Variants in PCDH9 observed in about 807,000 individuals in gnomAD.
The protein encoded by PCDH9 is protocadherin-9.
Under a neutral mutation model 70.6 loss-of-function variants are expected in PCDH9, and 24 were observed. The ratio of observed to expected loss-of-function variants is 0.34; its 90% CI spans 0.25 to 0.48. The LOEUF (loss-of-function observed/expected upper bound fraction) is 0.48, where lower values mean the gene tolerates loss of function less well. Ranked by LOEUF, PCDH9 falls within the 20% of genes least tolerant of loss-of-function variation. PCDH9 has a pLI of 0.99. For missense variants in PCDH9, 1,281 were observed against 1,503.6 expected, an observed-to-expected ratio of 0.85 and a Z score of 2.45; for synonymous variants, 562 against 558.5, an observed-to-expected ratio of 1.01 and a Z score of -0.09.
chr13:67,179,905 T>C (rs921971699), intron 2 of PCDH9, among the ~76,000 whole-genome samples: 1 of 152,114 alleles, frequency 6.6e-6, no homozygotes, highest in African/African-American at 2.4e-5. Context: ...CAAATATTGA[T>C]TGCAATATAG....
chr13:66,340,407 C>T (rs1327052528), intron 4 of PCDH9, among the ~76,000 whole-genome samples: 1 of 152,142 alleles, frequency 6.6e-6, no homozygotes, highest in Non-Finnish European at 1.5e-5. Flanking sequence ...TTGCCCCAAA[C>T]TAATGGGCTT....
chr13:66,785,142 T>C lies in PCDH9; in HGVS notation c.3138+118362A>G, dbSNP rs992689868. ...AACAGGATAGCAGCTTCATCAGCCA[T>C]GGCATTATTCTCCAAAAGTAAATAA... On this transcript the variant is annotated intron_variant, in intron 3 of 4. Transcript: ENST00000377865. 3.3e-5 allele frequency among the ~76,000 whole-genome samples: 5 copies of C among 152,140 alleles called. No individual in the cohort carries two copies. The East Asian group carries it at 7.7e-4, about 23-fold the overall frequency.
rs2084481226 is a variant in PCDH9, at chr13:67,013,002, G to A, written c.3037-109397C>T. On this transcript the variant is annotated intron_variant, in intron 2 of 4. Coordinates refer to ENST00000377865, the MANE Select transcript of PCDH9 (RefSeq NM_203487.3). ...TTTAAGACTCAGACAATGTGTCAAT[G>A]TGTGCATGTGTGTGTGTGTTCCATA... Among the ~76,000 whole-genome samples, 3 of 151,880 alleles carry A rather than the reference G, an allele frequency of 2.0e-5. 1 individual carries two copies. The South Asian group carries it at 6.2e-4, about 31-fold the overall frequency.
chr13:66,477,162 A>C (rs945869284), intron 4 of PCDH9, among the ~76,000 whole-genome samples: 4 of 152,148 alleles, frequency 2.6e-5, no homozygotes, highest in African/African-American at 9.6e-5. Context: ...TGACAGGACC[A>C]CACATTTTAT....
intron 2 of PCDH9, among the ~76,000 whole-genome samples, chr13:67,022,984 A>T (rs537363070): frequency 8.5e-5 from 13 of 152,298 alleles, no homozygotes; most frequent in Non-Finnish European, 1.8e-4. Context: ...ATTGATACAA[A>T]TTGAATCTGA....
At chr13:66,702,431 G>C (rs180930350) in intron 3 of PCDH9, among the ~76,000 whole-genome samples, 2 of 152,234 alleles carry the variant, frequency 1.3e-5, no homozygotes, top group African/African-American at 4.8e-5. Context: ...GGGAAATGGG[G>C]AGATATTGAA....
At chr13:66,725,905 G>A (rs1377589397) in intron 3 of PCDH9, among the ~76,000 whole-genome samples, 5 of 152,172 alleles carry the variant, frequency 3.3e-5, no homozygotes, top group Non-Finnish European at 7.4e-5. Flanking sequence ...TCTACAGCCT[G>A]TAGAGTTGTA....
chr13:66,444,802 C>T (rs1958040127), intron 4 of PCDH9, among the ~76,000 whole-genome samples: 1 of 151,926 alleles, frequency 6.6e-6, no homozygotes, highest in African/African-American at 2.4e-5. Context: ...CTCAGGTGAT[C>T]CGCCTTCCCC....
chr13:66,709,640 A>C (rs1322641241), intron 3 of PCDH9, among the ~76,000 whole-genome samples: 1 of 152,230 alleles, frequency 6.6e-6, no homozygotes, highest in African/African-American at 2.4e-5. Context: ...TGTCACTGAC[A>C]AACTGTGTTG....
chr13:66,794,772 G>A (rs567884581), intron 3 of PCDH9, among the ~76,000 whole-genome samples: 2 of 152,060 alleles, frequency 1.3e-5, no homozygotes, highest in South Asian at 4.2e-4. Flanking sequence ...TCTTGATGTA[G>A]CAGTGAAACA....
chr13:67,053,954 T>G (rs1022783584), intron 2 of PCDH9, among the ~76,000 whole-genome samples: 5 of 152,176 alleles, frequency 3.3e-5, no homozygotes, highest in African/African-American at 9.6e-5. Flanking sequence ...TCAGTGAAAG[T>G]GAGTTCTCTA....
intron 2 of PCDH9, among the ~76,000 whole-genome samples, chr13:66,971,465 A>G (rs1288465024): frequency 6.6e-6 from 1 of 152,106 alleles, no homozygotes; most frequent in Non-Finnish European, 1.5e-5. Flanking sequence ...GGATGAATGC[A>G]TGAAAAAGTT....
intron 4 of PCDH9, among the ~76,000 whole-genome samples, chr13:66,444,818 C>T (rs928888925): frequency 2.6e-5 from 4 of 152,096 alleles, no homozygotes; most frequent in Non-Finnish European, 5.9e-5. Flanking sequence ...TCCCCGGCCT[C>T]CCAAAGTGCT....
At chr13:66,695,146 T>G (rs2078543586) in intron 3 of PCDH9, among the ~76,000 whole-genome samples, 1 of 152,030 alleles carries the variant, frequency 6.6e-6, no homozygotes, top group African/African-American at 2.4e-5. Flanking sequence ...CTCGTGATCC[T>G]CCCGCCTCAG....
At chr13:66,616,443 T>C (rs1869376913) in intron 4 of PCDH9, among the ~76,000 whole-genome samples, 1 of 150,866 alleles carries the variant, frequency 6.6e-6, no homozygotes, top group African/African-American at 2.4e-5. Flanking sequence ...GTAAATCATG[T>C]TTTAAAACTT....
At chr13:67,037,124 C>G (rs2085025495) in intron 2 of PCDH9, among the ~76,000 whole-genome samples, 1 of 152,116 alleles carries the variant, frequency 6.6e-6, no homozygotes, top group African/African-American at 2.4e-5. Flanking sequence ...TTCAACTTTC[C>G]ACGAAATCCT....
intron 2 of PCDH9, among the ~76,000 whole-genome samples, chr13:67,154,643 C>A (rs1050112265): frequency 8.7e-6 from 1 of 114,856 alleles, no homozygotes; most frequent in Non-Finnish European, 2.0e-5. Flanking sequence ...CACACACACA[C>A]ACATACAAGA....
chr13:67,201,407 G>C (rs929310689), intron 2 of PCDH9: 1 of 151,954 alleles, frequency 6.6e-6, no homozygotes, highest in Non-Finnish European at 1.5e-5. Context: ...ATGAGGACAA[G>C]TTTTAATTGT....
At position 66,839,355 on chromosome 13, in the gene PCDH9, G is replaced by A. The variant is rs529954984; in HGVS notation, c.3138+64149C>T. On this transcript the variant is annotated intron_variant, in intron 3 of 4. Transcript: ENST00000377865. The stretch of plus-strand genomic sequence containing the variant: ...TAAAAAATGTATCCCCAAATCTATC[G>A]TTTTCTTTTCTCTAGTGTCTTTCCT... 5.9e-5 allele frequency among the ~76,000 whole-genome samples: 9 copies of A among 152,108 alleles called. No individual in the cohort carries two copies. The East Asian group carries it at 1.2e-3, about 20-fold the overall frequency.
Sources: allele counts gnomAD v4.1 joint callset (sites outside exome capture counted in the v4.1 genomes callset), GRCh38; gene constraint gnomAD v4.1.1; transcripts MANE v1.5; gene names NCBI Gene and HGNC (gene_info 2026-07-23, HGNC 2026-07-21).